SLC30A7: variants seen among roughly 807,000 people sequenced by gnomAD.
SLC30A7 encodes the protein solute carrier family 30 member 7.
SLC30A7 carries 35 observed loss-of-function variants against 46.0 expected under a neutral mutation model. That is an observed-to-expected ratio of 0.76 (90% CI 0.58 to 1.01). The LOEUF (loss-of-function observed/expected upper bound fraction) is 1.01. Among genes scored for constraint, SLC30A7 ranks in the 50% least tolerant of loss-of-function variants. The pLI is 0.00. For synonymous variants in SLC30A7, 147 were observed against 157.8 expected, an observed-to-expected ratio of 0.93 and a Z score of 0.51; for missense variants, 464 against 451.1, an observed-to-expected ratio of 1.03 and a Z score of -0.26.
rs745420199 is a variant in SLC30A7, at chr1:100,912,173, T to C, written c.446T>C (p.Phe149Ser). The change falls in exon 5 of 11, where the codon TTT (phenylalanine) becomes TCT (serine). Residue 149 changes from phenylalanine (F) to serine (S), a missense_variant. Physicochemically the swap from Phe to Ser is radical, Grantham distance 155 (BLOSUM62 -2). Coordinates refer to ENST00000357650, the MANE Select transcript of SLC30A7 (RefSeq NM_133496.5). ...ERLLLVSILGFVVNLIGIFVF... is the reference protein window; with the variant it reads ...ERLLLVSILGSVVNLIGIFVF... ...CTGCTTCTTGTTTCCATTCTTGGGTTTGTGGTAAACCTAATAGGAATATTT... is the reference window on the plus strand; with the variant it reads ...CTGCTTCTTGTTTCCATTCTTGGGTCTGTGGTAAACCTAATAGGAATATTT... The C allele has an allele frequency of 3.7e-6, 6 of 1,613,886 alleles. No homozygotes were observed. Among genetic ancestry groups the C allele is most frequent in the Non-Finnish European group, 5.1e-6 (6 of 1,179,882 alleles).
chr1:100,990,807 G>C, the SLC30A7 span, among the ~76,000 whole-genome samples: 6 of 152,260 alleles, frequency 3.9e-5, no homozygotes, highest in East Asian at 1.2e-3. Flanking sequence ...TAAATCATTT[G>C]TATTACCTAA....
At chr1:100,970,436 A>G (rs1403480067) in intron 10 of SLC30A7, among the ~76,000 whole-genome samples, 2 of 152,096 alleles carry the variant, frequency 1.3e-5, no homozygotes, top group Non-Finnish European at 2.9e-5. Flanking sequence ...ATTAATCTTT[A>G]ACTGCTAAAG....
At chr1:100,987,784 C>A in the SLC30A7 span, among the ~76,000 whole-genome samples, 5 of 151,500 alleles carry the variant, frequency 3.3e-5, no homozygotes, top group African/African-American at 1.2e-4. Flanking sequence ...TTCATTTTAT[C>A]ATACTCTGAA....
intron 6 of SLC30A7, among the ~76,000 whole-genome samples, chr1:100,915,226 T>TTTCTTTCTTTCC (rs1369210892): frequency 6.8e-6 from 1 of 147,482 alleles, no homozygotes; most frequent in East Asian, 2.0e-4. Context: ...TCTTTCTTTC[T>TTTCTTTCTTTCC]TTCTTTCTTT....
intron 8 of SLC30A7, among the ~76,000 whole-genome samples, chr1:100,936,220 G>A (rs1486571862): frequency 6.6e-6 from 1 of 152,056 alleles, no homozygotes; most frequent in African/African-American, 2.4e-5. Flanking sequence ...GAGCAATAGA[G>A]AACTTACTAA....
At chr1:100,995,096 GAAT>G in the SLC30A7 span, 1 of 1,557,690 alleles carries the variant, frequency 6.4e-7, no homozygotes, top group Non-Finnish European at 8.8e-7. Context: ...TGCATTCTCA[GAAT>G]AATAACTTAC....
chr1:100,965,772 C>G lies in SLC30A7; in HGVS notation c.937C>G (p.Gln313Glu). The part of the protein sequence containing the change: ...NSLPQCYQRV[Q>E]QLQGVYSLQE... ...ATATCTCTCCTTTATATTTCAGGTA[C>G]AGCAGTTGCAAGGAGTTTACAGTTT... The change falls in exon 10 of 11, where the codon CAG (glutamine) becomes GAG (glutamate). Residue 313 changes from glutamine (Q) to glutamate (E), a missense_variant. Physicochemically the swap from Gln to Glu is conservative, Grantham distance 29. Transcript: ENST00000357650. 6 of 1,612,968 alleles carry G rather than the reference C, an allele frequency of 3.7e-6. No individual in the cohort carries two copies. The highest frequency in any genetic ancestry group is 5.1e-6 in the Non-Finnish European group (6 of 1,179,092).
At chr1:100,911,253 G>T in intron 4 of SLC30A7, 103 bp downstream of exon 4, 1 of 769,676 alleles carries the variant, frequency 1.3e-6, no homozygotes. Context: ...ATTAAATATT[G>T]TGGACAATCT....
rs776994538 is a variant in SLC30A7, at chr1:100,896,293, T to C, written c.31T>C (p.Tyr11His). ...GCCCCTGTCCATCAAAGACGATGAA[T>C]ACAAACCACCCAAGTTCAATTTGTT... The part of the protein sequence containing the change: MLPLSIKDDE[Y>H]KPPKFNLFGK... Residue 11 changes from tyrosine to histidine, a missense_variant, in exon 1 of 11, where the codon TAC (tyrosine) becomes CAC (histidine). Transcript: ENST00000357650. 1 of 1,614,208 alleles carries C rather than the reference T, an allele frequency of 6.2e-7. No homozygotes were observed. Among genetic ancestry groups the C allele is most frequent in the Non-Finnish European group, 8.5e-7 (1 of 1,180,048 alleles).
chr1:100,917,830 G>T (rs915376740), intron 6 of SLC30A7, among the ~76,000 whole-genome samples: 1 of 152,022 alleles, frequency 6.6e-6, no homozygotes, highest in South Asian at 2.1e-4. Flanking sequence ...TTAATTTCCT[G>T]TGCTTTTAAT....
intron 8 of SLC30A7, 88 bp from the exon 9 acceptor site, chr1:100,961,740 C>A: frequency 1.5e-6 from 1 of 645,844 alleles, no homozygotes; most frequent in Non-Finnish European, 2.6e-6. Context: ...CTATTATATT[C>A]TACCGTAGGG....
At position 100,896,583 on chromosome 1, in the gene SLC30A7, G is replaced by T; in HGVS notation, c.94G>T (p.Asp32Tyr). The T allele has an allele frequency of 6.2e-7, 1 of 1,614,004 alleles. No homozygotes were observed. Among genetic ancestry groups the T allele is most frequent in the Non-Finnish European group, 8.5e-7 (1 of 1,179,958 alleles). Residue 32 changes from aspartate to tyrosine, a missense_variant, in exon 2 of 11, where the codon GAC (aspartate) becomes TAC (tyrosine). Physicochemically the swap from Asp to Tyr is radical, Grantham distance 160 (BLOSUM62 -3). Coordinates refer to ENST00000357650, the MANE Select transcript of SLC30A7 (RefSeq NM_133496.5). ...ISGWFRSILS[D>Y]KTSRNLFFFL... is the part of the protein sequence containing the mutation. The stretch of plus-strand genomic sequence containing the variant: ...TATCATTCCCAGGTCTATACTGTCC[G>T]ACAAGACTTCCCGGAACCTGTTTTT...
At chr1:100,912,747 G>A (rs1035473712) in intron 5 of SLC30A7, among the ~76,000 whole-genome samples, 8 of 151,806 alleles carry the variant, frequency 5.3e-5, no homozygotes, top group African/African-American at 9.7e-5. Context: ...GCATGATGGC[G>A]CATTCCTGTA....
chr1:100,946,977 C>G (rs1570568191), intron 8 of SLC30A7, among the ~76,000 whole-genome samples: 3 of 152,226 alleles, frequency 2.0e-5, no homozygotes, highest in Admixed American at 2.0e-4. Flanking sequence ...TGTTACTGGT[C>G]TATTCAGAGA....
chr1:100,980,720 A>T lies in SLC30A7; in HGVS notation c.*5863A>T, dbSNP rs12726628. The T allele has an allele frequency of 6.6e-6, 1 of 151,740 alleles. No homozygotes were observed. Among genetic ancestry groups the T allele is most frequent in the Non-Finnish European group, 1.5e-5 (1 of 67,868 alleles). The allele number at this position is 151,740 out of a possible 1,614,324, so 9.4% of individuals were successfully genotyped here. ...CTCATTCTTTTTCATATACAGTGGAAGTATACAGATGTTATCCATTTTACA... is the reference window on the plus strand; with the variant it reads ...CTCATTCTTTTTCATATACAGTGGATGTATACAGATGTTATCCATTTTACA... On this transcript the variant is annotated 3_prime_UTR_variant, in exon 11 of 11. Coordinates refer to ENST00000357650, the MANE Select transcript of SLC30A7 (RefSeq NM_133496.5).
intron 10 of SLC30A7, chr1:100,972,393 G>A: frequency 5.3e-6 from 1 of 189,340 alleles, no homozygotes; most frequent in Non-Finnish European, 1.2e-5. Context: ...GAGCTTTTGT[G>A]GAAAGCTGTA....
At chr1:100,983,392 AAAAC>A (rs1657082083), downstream of SLC30A7, among the ~76,000 whole-genome samples, 5 of 104,076 alleles carry the variant, frequency 4.8e-5, no homozygotes, top group Non-Finnish European at 2.1e-5. Context: ...AAAAAAAAAC[AAAAC>A]AAAACAAAAC....
Position 100,896,247 on chromosome 1 carries a change from T to G in SLC30A7, c.-16T>G. ...TCTAGAGGGGAGTAGACCCGGCCCT[T>G]CGCCGGGCAGAGAAGATGTTGCCCC... On this transcript the variant is annotated 5_prime_UTR_variant, in exon 1 of 11. Coordinates refer to ENST00000357650, the MANE Select transcript of SLC30A7 (RefSeq NM_133496.5). The G allele has an allele frequency of 2.5e-6, 4 of 1,613,456 alleles. No individual in the cohort carries two copies. Among genetic ancestry groups the G allele is most frequent in the Non-Finnish European group, 3.4e-6 (4 of 1,179,350 alleles).
intron 8 of SLC30A7, among the ~76,000 whole-genome samples, chr1:100,961,439 C>T (rs1655543401): frequency 6.6e-6 from 1 of 152,154 alleles, no homozygotes; most frequent in African/African-American, 2.4e-5. Flanking sequence ...TGAAATATGA[C>T]TGATATTGGA....
Sources: gnomAD v4.1 joint callset for allele counts (sites outside exome capture counted in the v4.1 genomes callset) on GRCh38, gnomAD v4.1.1 for gene constraint, MANE v1.5 for transcripts, NCBI Gene and HGNC (gene_info 2026-07-23, HGNC 2026-07-21) for gene names.